Variants in DENND1A observed in about 807,000 individuals in gnomAD.
The protein encoded by DENND1A is DENN domain-containing protein 1A.
Under a neutral mutation model 113.7 loss-of-function variants are expected in DENND1A, and 51 were observed. The ratio of observed to expected loss-of-function variants is 0.45; its 90% CI spans 0.36 to 0.57. The LOEUF is 0.57. DENND1A is among the 20% of genes least tolerant of loss of function. The pLI, the probability that DENND1A is intolerant of heterozygous loss-of-function variation, is 0.00. For synonymous variants in DENND1A, 565 were observed against 570.8 expected, an observed-to-expected ratio of 0.99 and a Z score of 0.14; for missense variants, 1,258 against 1,395.9, an observed-to-expected ratio of 0.90 and a Z score of 1.57.
intron 19 of DENND1A, among the ~76,000 whole-genome samples, chr9:123,421,078 A>G (rs1384898139): frequency 6.9e-6 from 1 of 144,364 alleles, no homozygotes; most frequent in Non-Finnish European, 1.5e-5. Flanking sequence ...GGATGCATCT[A>G]GGATGCTGTC....
chr9:123,839,963 C>A (rs1427588121), intron 2 of DENND1A, among the ~76,000 whole-genome samples: 1 of 152,084 alleles, frequency 6.6e-6, no homozygotes, highest in Non-Finnish European at 1.5e-5. Context: ...TGCATACTCC[C>A]AAATATTATA....
At position 123,452,265 on chromosome 9, in the gene DENND1A, C is replaced by A. The variant is rs953755822; in HGVS notation, c.1299+11G>T. On this transcript the variant is annotated intron_variant, in intron 17 of 23. Transcript: ENST00000394215. ...TCTGTTTTGGCTCCTGACAGCAAGACCAGTACTTACGAACTTGTAGACAGT... is the reference window on the plus strand; with the variant it reads ...TCTGTTTTGGCTCCTGACAGCAAGAACAGTACTTACGAACTTGTAGACAGT... 6.2e-7 allele frequency: 1 copy of A among 1,613,790 alleles called. No individual in the cohort carries two copies. The highest frequency in any genetic ancestry group is 1.3e-5 in the African/African-American group (1 of 74,922).
intron 9 of DENND1A, among the ~76,000 whole-genome samples, chr9:123,631,935 T>C (rs1480476620): frequency 6.6e-6 from 1 of 152,148 alleles, no homozygotes; most frequent in East Asian, 1.9e-4. Flanking sequence ...CAACAACACA[T>C]ATTTCTTTCT....
chr9:123,766,349 G>T (rs1213193476), intron 4 of DENND1A, among the ~76,000 whole-genome samples: 4 of 152,028 alleles, frequency 2.6e-5, no homozygotes, highest in African/African-American at 9.7e-5. Flanking sequence ...GGGAGGGCAG[G>T]GCTCCAAGTC....
intron 11 of DENND1A, 99 bp downstream of exon 11, chr9:123,609,337 C>A: frequency 2.2e-6 from 3 of 1,335,078 alleles, no homozygotes; most frequent in South Asian, 1.3e-5. Context: ...CATGCTCCCA[C>A]GTGCAGAGCT....
chr9:123,741,497 G>T (rs1264929406), intron 5 of DENND1A, among the ~76,000 whole-genome samples: 3 of 152,112 alleles, frequency 2.0e-5, no homozygotes, highest in Admixed American at 6.5e-5. Flanking sequence ...TAGTCTTTTG[G>T]ATTAAAGACA....
At chr9:123,740,170 C>T (rs75344067) in intron 5 of DENND1A, among the ~76,000 whole-genome samples, 198 of 151,946 alleles carry the variant, frequency 1.3e-3, no homozygotes, top group African/African-American at 4.7e-3. Flanking sequence ...TGCCCCTCTA[C>T]GTAAAAGTTG....
chr9:123,798,327 T>C (rs1165696319), intron 2 of DENND1A: 2 of 152,200 alleles, frequency 1.3e-5, no homozygotes. Context: ...TATTCTGCCA[T>C]TCAGACATAT....
intron 1 of DENND1A, among the ~76,000 whole-genome samples, chr9:123,880,406 C>A (rs1848154762): frequency 6.6e-6 from 1 of 152,098 alleles, no homozygotes; most frequent in Non-Finnish European, 1.5e-5. Context: ...TCTTTAATTT[C>A]AAAACTACCA....
At chr9:123,399,731 G>A (rs2043328343) in intron 21 of DENND1A, among the ~76,000 whole-genome samples, 1 of 152,226 alleles carries the variant, frequency 6.6e-6, no homozygotes, top group African/African-American at 2.4e-5. Flanking sequence ...TTTAGGATGT[G>A]GAGCTGTCTC....
At chr9:123,622,641 T>C (rs142508530) in intron 10 of DENND1A, among the ~76,000 whole-genome samples, 1 of 152,316 alleles carries the variant, frequency 6.6e-6, no homozygotes, top group African/African-American at 2.4e-5. Flanking sequence ...TGGCCTTGGA[T>C]TTCAAGTGCA....
chr9:123,832,904 AG>A (rs887091149), intron 2 of DENND1A, among the ~76,000 whole-genome samples: 2 of 152,112 alleles, frequency 1.3e-5, no homozygotes, highest in African/African-American at 4.8e-5. Flanking sequence ...CAGAAGATTG[AG>A]GTGGGAAGAC....
Position 123,650,033 on chromosome 9 carries a change from C to T in DENND1A, c.618+1980G>A, listed in dbSNP as rs1006060158. On this transcript the variant is annotated intron_variant, in intron 9 of 23. Coordinates refer to ENST00000394215, the MANE Select transcript of DENND1A (RefSeq NM_001352964.2). ...GATAAGGAATTCATTTCCACTGAGA[C>T]GATGTCATGTTTTTGTTGACTGAAA... is the stretch of plus-strand genomic sequence containing the variant. Among the ~76,000 whole-genome samples the T allele has an allele frequency of 3.9e-5, 6 of 152,224 alleles. No homozygotes were observed. The East Asian group carries it at 5.8e-4, about 15-fold the overall frequency.
At chr9:123,456,824 CAAT>C (rs147378525) in intron 15 of DENND1A, 18,750 of 152,408 alleles carry the variant, frequency 0.12, 1,336 homozygotes, top group African/African-American at 0.2. Context: ...AAAACAACAA[CAAT>C]AACAACAAAA....
chr9:123,746,391 GA>G (rs35576813), intron 5 of DENND1A, among the ~76,000 whole-genome samples: 1 of 151,468 alleles, frequency 6.6e-6, no homozygotes, highest in Non-Finnish European at 1.5e-5. Context: ...TAAAAAGATT[GA>G]AAAAAAATCA....
intron 4 of DENND1A, among the ~76,000 whole-genome samples, chr9:123,765,987 T>C (rs2131567973): frequency 6.6e-6 from 1 of 152,302 alleles, no homozygotes; most frequent in East Asian, 1.9e-4. Context: ...AATGGGGAGT[T>C]TGAACCAGAT....
intron 2 of DENND1A, among the ~76,000 whole-genome samples, chr9:123,851,688 A>G (rs1467726918): frequency 6.6e-6 from 1 of 152,244 alleles, no homozygotes; most frequent in Non-Finnish European, 1.5e-5. Context: ...ATTTGTGGGT[A>G]TGAATATTAT....
At chr9:123,623,913 T>A (rs887765520) in intron 10 of DENND1A, among the ~76,000 whole-genome samples, 38 of 152,190 alleles carry the variant, frequency 2.5e-4, no homozygotes, top group Non-Finnish European at 1.2e-4. Flanking sequence ...GAAGACTTCA[T>A]CTTCAGGCGC....
chr9:123,781,986 C>T (rs930914536), intron 3 of DENND1A, among the ~76,000 whole-genome samples: 3 of 151,974 alleles, frequency 2.0e-5, no homozygotes, highest in Non-Finnish European at 4.4e-5. Flanking sequence ...AGAAGAATCG[C>T]TTGAACCTGG....
Sources: allele counts gnomAD v4.1 joint callset (sites outside exome capture counted in the v4.1 genomes callset), GRCh38; gene constraint gnomAD v4.1.1; transcripts MANE v1.5; gene names NCBI Gene and HGNC (gene_info 2026-07-23, HGNC 2026-07-21).